Variants in CSPP1 observed in about 807,000 individuals in gnomAD.
CSPP1 encodes the protein centrosome and spindle pole-associated protein 1.
A neutral mutation model predicts 164.4 loss-of-function variants in CSPP1; 126 were observed. The observed-to-expected ratio is 0.77, with a 90% CI of 0.66 to 0.89. The LOEUF is 0.89. CSPP1 is among the 40% of genes least tolerant of loss of function. The pLI, the probability that CSPP1 is intolerant of heterozygous loss-of-function variation, is 0.00. For synonymous variants in CSPP1, 472 were observed against 476.7 expected, an observed-to-expected ratio of 0.99 and a Z score of 0.13; for missense variants, 1,395 against 1,449.8, an observed-to-expected ratio of 0.96 and a Z score of 0.61.
intron 1 of CSPP1, among the ~76,000 whole-genome samples, chr8:67,072,869 C>CAAAAAAA (rs58087584): frequency 3.4e-5 from 2 of 59,278 alleles, no homozygotes; most frequent in African/African-American, 5.1e-5. Context: ...GAGCCTGTCT[C>CAAAAAAA]AAAAAAAAAA....
At chr8:67,098,782 C>T (rs1364248361) in intron 7 of CSPP1, among the ~76,000 whole-genome samples, 1 of 151,810 alleles carries the variant, frequency 6.6e-6, no homozygotes, top group Admixed American at 6.6e-5. Context: ...TTACTTTAAC[C>T]AATGTTAATG....
chr8:67,148,748 G>C lies in CSPP1; in HGVS notation c.1976-1035G>C, dbSNP rs1044549364. ...TGCTGCCATACTGTTGCAGTTTTTT[G>C]GTTTGTTTGTTTTATGGAAAACAGG... On this transcript the variant is annotated intron_variant, in intron 17 of 30. Coordinates refer to ENST00000678616, the MANE Select transcript of CSPP1 (RefSeq NM_001382391.1). 3.9e-5 allele frequency among the ~76,000 whole-genome samples: 6 copies of C among 152,142 alleles called. No homozygotes were observed. The East Asian group carries it at 1.2e-3, about 29-fold the overall frequency.
In CSPP1 at chr8:67,131,991, C is replaced by A; in HGVS notation, c.1738C>A (p.Gln580Lys). Reference protein sequence around the residue: ...GQNELKITSDQVINSGLIFED... With the variant: ...GQNELKITSDKVINSGLIFED... ...GAATGAACTGAAGATTACAAGTGAT[C>A]AAGTGATAAATTCAGGATTGATTTT... Residue 580 changes from glutamine (Q) to lysine (K), a missense_variant, in exon 16 of 31, where the codon CAA (glutamine) becomes AAA (lysine). Transcript: ENST00000678616. The A allele has an allele frequency of 6.2e-7, 1 of 1,612,984 alleles. No homozygotes were observed. Among genetic ancestry groups the A allele is most frequent in the Non-Finnish European group, 8.5e-7 (1 of 1,179,226 alleles).
chr8:67,131,767 GT>G (rs1430438951), intron 15 of CSPP1, among the ~76,000 whole-genome samples, 183 bp from the exon 16 acceptor site: 20 of 152,188 alleles, frequency 1.3e-4, no homozygotes, highest in Admixed American at 1.3e-3. Context: ...TGCAAGGATT[GT>G]CAAAGCAAAG....
chr8:67,158,061 T>C (rs1827012684), intron 19 of CSPP1, among the ~76,000 whole-genome samples: 1 of 151,058 alleles, frequency 6.6e-6, no homozygotes, highest in African/African-American at 2.4e-5. Flanking sequence ...GCAATCACTA[T>C]AGAATAATAT....
chr8:67,102,654 A>T lies in CSPP1; in HGVS notation c.924-383A>T, dbSNP rs140088670. Among the ~76,000 whole-genome samples the T allele has an allele frequency of 7.7e-4, 118 of 152,340 alleles. 1 individual carries two copies. Among genetic ancestry groups the T allele is most frequent in the African/African-American group, 2.7e-3 (111 of 41,580 alleles). ...GACTCTATGAATTTTGATTTAAAAA[A>T]TGTTCTCATTTTGAATTTTGACTAT... On this transcript the variant is annotated intron_variant, in intron 7 of 30. Transcript: ENST00000678616.
chr8:67,104,367 G>T (rs774779586), intron 8 of CSPP1, among the ~76,000 whole-genome samples: 2 of 151,072 alleles, frequency 1.3e-5, no homozygotes, highest in Non-Finnish European at 2.9e-5. Context: ...AGGCTCAAGT[G>T]ACCCTCCCAC....
chr8:67,092,790 C>T (rs770975125), intron 5 of CSPP1, among the ~76,000 whole-genome samples: 6 of 151,988 alleles, frequency 3.9e-5, no homozygotes, highest in Non-Finnish European at 7.4e-5. Flanking sequence ...TTTAGCGACA[C>T]GGGAGTATTA....
intron 13 of CSPP1, among the ~76,000 whole-genome samples, chr8:67,117,107 G>A (rs932006594): frequency 2.0e-5 from 3 of 152,136 alleles, no homozygotes; most frequent in African/African-American, 2.4e-5. Context: ...ATTTGTAAAA[G>A]TGGAGTAGTA....
intron 1 of CSPP1, among the ~76,000 whole-genome samples, chr8:67,071,373 T>C (rs1325856849): frequency 6.7e-6 from 1 of 150,346 alleles, no homozygotes; most frequent in Non-Finnish European, 1.5e-5. Context: ...TTATTCCCTC[T>C]GTTTTTTTTT....
intron 24 of CSPP1, among the ~76,000 whole-genome samples, chr8:67,166,341 CAT>C (rs1481791099): frequency 5.9e-5 from 9 of 152,192 alleles, no homozygotes; most frequent in Admixed American, 4.6e-4. Flanking sequence ...TAAATATAAA[CAT>C]ATCTATAATT....
chr8:67,129,638 A>G (rs544847454), intron 15 of CSPP1, among the ~76,000 whole-genome samples: 5 of 152,220 alleles, frequency 3.3e-5, no homozygotes, highest in South Asian at 2.1e-4. Flanking sequence ...GAATGGATAA[A>G]CAAAATGTGT....
At chr8:67,107,010 A>ATTTAT (rs1563572242) in intron 9 of CSPP1, among the ~76,000 whole-genome samples, 2 of 148,648 alleles carry the variant, frequency 1.3e-5, no homozygotes, top group South Asian at 4.3e-4. Flanking sequence ...GTTTTTATTT[A>ATTTAT]TTTATTTTAT....
At chr8:67,100,979 A>C (rs2129546693) in intron 7 of CSPP1, among the ~76,000 whole-genome samples, 1 of 152,236 alleles carries the variant, frequency 6.6e-6, no homozygotes, top group African/African-American at 2.4e-5. Context: ...GTTATAATTT[A>C]TTACAGCAAA....
chr8:67,101,631 G>T (rs533997832), intron 7 of CSPP1, among the ~76,000 whole-genome samples: 4 of 152,140 alleles, frequency 2.6e-5, no homozygotes, highest in South Asian at 2.1e-4. Flanking sequence ...CCATTCATGC[G>T]TTATGCCATG....
intron 26 of CSPP1, among the ~76,000 whole-genome samples, chr8:67,177,224 G>A (rs1831908513): frequency 6.6e-6 from 1 of 152,016 alleles, no homozygotes; most frequent in Admixed American, 6.6e-5. Flanking sequence ...CTATTCACAG[G>A]AACACATAGG....
intron 19 of CSPP1, among the ~76,000 whole-genome samples, chr8:67,154,528 G>A (rs1490044135): frequency 6.6e-6 from 1 of 151,328 alleles, no homozygotes; most frequent in Non-Finnish European, 1.5e-5. Flanking sequence ...CACCACGCCC[G>A]GCTAATTTTT....
intron 17 of CSPP1, among the ~76,000 whole-genome samples, chr8:67,146,578 T>C (rs547332697): frequency 1.3e-5 from 2 of 152,296 alleles, no homozygotes; most frequent in Non-Finnish European, 2.9e-5. Context: ...GGTTGGGAAT[T>C]TTGCTTAGCT....
At chr8:67,153,986 T>A in intron 18 of CSPP1, 38 bp from the exon 19 acceptor site, 1 of 877,776 alleles carries the variant, frequency 1.1e-6, no homozygotes, top group Non-Finnish European at 1.9e-6. Flanking sequence ...TTCTAAGCAT[T>A]GGCTAATAGT....
Sources: allele counts gnomAD v4.1 joint callset (sites outside exome capture counted in the v4.1 genomes callset), GRCh38; gene constraint gnomAD v4.1.1; transcripts MANE v1.5; gene names NCBI Gene and HGNC (gene_info 2026-07-23, HGNC 2026-07-21).